Variants in CNTNAP2 observed in about 807,000 individuals in gnomAD.
The protein encoded by CNTNAP2 is contactin associated protein 2.
CNTNAP2 carries 98 observed loss-of-function variants against 155.2 expected under a neutral mutation model. That is an observed-to-expected ratio of 0.63 (90% CI 0.54 to 0.75). The LOEUF (loss-of-function observed/expected upper bound fraction) is 0.75, where lower values mean the gene tolerates loss of function less well. Among genes scored for constraint, CNTNAP2 ranks in the 30% least tolerant of loss-of-function variants. The pLI is 0.00. For missense variants in CNTNAP2, 1,727 were observed against 1,688.1 expected (o/e 1.02, Z -0.40); for synonymous variants, 651 against 631.2 (o/e 1.03, Z -0.47).
intron 10 of CNTNAP2, among the ~76,000 whole-genome samples, chr7:147,416,841 C>T (rs1797201402): frequency 6.6e-6 from 1 of 152,098 alleles, no homozygotes; most frequent in Admixed American, 6.5e-5. Flanking sequence ...GTAATCCTAG[C>T]ACTTTGGGAG....
chr7:147,804,241 T>C (rs564939140), intron 13 of CNTNAP2, among the ~76,000 whole-genome samples: 14 of 152,222 alleles, frequency 9.2e-5, no homozygotes, highest in Admixed American at 6.5e-5. Flanking sequence ...CATAAATTGA[T>C]AATTAATAGG....
chr7:147,156,585 G>A lies in CNTNAP2; in HGVS notation c.1348+24076G>A, dbSNP rs191767435. Among the ~76,000 whole-genome samples, 7 of 152,242 alleles carry A rather than the reference G, an allele frequency of 4.6e-5. No homozygotes were observed. In the East Asian group the frequency reaches 1.4e-3, roughly 29 times the overall value. ...TGTGCCTTAAACCATTCAATGTGCT[G>A]TCATTGATGTCATCTCATCTGAGTC... is the stretch of plus-strand genomic sequence containing the variant. On this transcript the variant is annotated intron_variant, in intron 8 of 23. Coordinates refer to ENST00000361727, the MANE Select transcript of CNTNAP2 (RefSeq NM_014141.6).
At chr7:147,736,196 A>G (rs1796840357) in intron 13 of CNTNAP2, among the ~76,000 whole-genome samples, 1 of 151,514 alleles carries the variant, frequency 6.6e-6, no homozygotes, top group Non-Finnish European at 1.5e-5. Flanking sequence ...TTCCTTCAGG[A>G]GCTCTTTTAG....
At chr7:147,492,105 C>G (rs773013088) in intron 11 of CNTNAP2, among the ~76,000 whole-genome samples, 21 of 152,272 alleles carry the variant, frequency 1.4e-4, no homozygotes, top group African/African-American at 3.1e-4. Context: ...TCATAGGAGA[C>G]AGTTTTTCTA....
At chr7:146,508,830 G>C (rs931616860) in intron 1 of CNTNAP2, among the ~76,000 whole-genome samples, 1 of 152,158 alleles carries the variant, frequency 6.6e-6, no homozygotes, top group Non-Finnish European at 1.5e-5. Context: ...TTGCCTCTCA[G>C]TTTTCTCTCG....
chr7:146,847,265 G>A (rs534598137), intron 3 of CNTNAP2, among the ~76,000 whole-genome samples: 1 of 152,220 alleles, frequency 6.6e-6, no homozygotes, highest in South Asian at 2.1e-4. Context: ...GAAATTTAGG[G>A]CACAGTAAAT....
In CNTNAP2 at chr7:146,131,652, G is replaced by A. The variant is rs569020330; in HGVS notation, c.97+14679G>A. Among the ~76,000 whole-genome samples the A allele has an allele frequency of 4.6e-5, 7 of 152,154 alleles. No homozygotes were observed. In the South Asian group the frequency reaches 6.2e-4, roughly 14 times the overall value. ...ATTTGTAAACTTTCAGCATCTTTGC[G>A]GCTTAACTTTGCAACATACTTCAAA... On this transcript the variant is annotated intron_variant, in intron 1 of 23. Coordinates refer to ENST00000361727, the MANE Select transcript of CNTNAP2 (RefSeq NM_014141.6).
At chr7:147,556,234 G>A (rs781682053) in intron 11 of CNTNAP2, among the ~76,000 whole-genome samples, 20 of 151,112 alleles carry the variant, frequency 1.3e-4, no homozygotes, top group Non-Finnish European at 2.2e-4. Flanking sequence ...CCACAACACT[G>A]GAAGCACATT....
chr7:147,536,795 G>A (rs1005148098), intron 11 of CNTNAP2, among the ~76,000 whole-genome samples: 1 of 152,000 alleles, frequency 6.6e-6, no homozygotes, highest in Non-Finnish European at 1.5e-5. Context: ...TCTTTTTCAA[G>A]ACCCGCAACT....
At chr7:147,838,670 C>T (rs573959651) in intron 13 of CNTNAP2, among the ~76,000 whole-genome samples, 3 of 152,328 alleles carry the variant, frequency 2.0e-5, no homozygotes, top group South Asian at 2.1e-4. Flanking sequence ...CTCATTCCAT[C>T]TGAGACTACC....
intron 1 of CNTNAP2, among the ~76,000 whole-genome samples, chr7:146,210,009 T>C (rs1799008927): frequency 6.6e-6 from 1 of 152,134 alleles, no homozygotes; most frequent in African/African-American, 2.4e-5. Context: ...GAAGGTTCTG[T>C]CTCAAATATA....
intron 1 of CNTNAP2, among the ~76,000 whole-genome samples, chr7:146,256,515 A>G (rs1487169966): frequency 2.6e-5 from 4 of 151,994 alleles, no homozygotes; most frequent in African/African-American, 7.2e-5. Context: ...TATAGTTAAG[A>G]TATTAAAAAT....
chr7:148,232,495 AT>A (rs751606356), intron 20 of CNTNAP2, among the ~76,000 whole-genome samples: 1 of 152,280 alleles, frequency 6.6e-6, no homozygotes, highest in Non-Finnish European at 1.5e-5. Context: ...CTATTTCCCC[AT>A]TTTCTATTAT....
At chr7:146,341,302 C>G (rs1425202633) in intron 1 of CNTNAP2, among the ~76,000 whole-genome samples, 1 of 152,070 alleles carries the variant, frequency 6.6e-6, no homozygotes, top group Non-Finnish European at 1.5e-5. Context: ...TGTGATAGAT[C>G]ATGCAAAAAT....
chr7:147,735,389 G>C (rs1020222615), intron 13 of CNTNAP2, among the ~76,000 whole-genome samples: 1 of 152,200 alleles, frequency 6.6e-6, no homozygotes, highest in African/African-American at 2.4e-5. Flanking sequence ...CTGAGAGACA[G>C]TTTATTATAA....
chr7:147,452,673 A>G (rs777638261), intron 10 of CNTNAP2, among the ~76,000 whole-genome samples: 152 of 152,220 alleles, frequency 1.0e-3, no homozygotes, highest in Non-Finnish European at 1.7e-3. Context: ...TAATTTATGC[A>G]AAGAATTCAC....
chr7:146,690,694 A>G (rs1563190224), intron 1 of CNTNAP2, among the ~76,000 whole-genome samples: 1 of 152,126 alleles, frequency 6.6e-6, no homozygotes, highest in Admixed American at 6.6e-5. Context: ...ACAAGGTAAT[A>G]TTTCCTATGT....
intron 21 of CNTNAP2, among the ~76,000 whole-genome samples, chr7:148,289,601 ACCCCATG>A (rs1328017750): frequency 3.1e-5 from 4 of 129,740 alleles, no homozygotes; most frequent in African/African-American, 1.2e-4. Context: ...ACACACACAC[ACCCCATG>A]TTGGGGAGGC....
At chr7:146,828,404 TAAAG>T (rs993119389) in intron 2 of CNTNAP2, among the ~76,000 whole-genome samples, 2 of 152,050 alleles carry the variant, frequency 1.3e-5, no homozygotes, top group Non-Finnish European at 2.9e-5. Flanking sequence ...ACATTTTAAA[TAAAG>T]AACGCAGTCC....
Sources: gnomAD v4.1 joint callset for allele counts (sites outside exome capture counted in the v4.1 genomes callset) on GRCh38, gnomAD v4.1.1 for gene constraint, MANE v1.5 for transcripts, NCBI Gene and HGNC (gene_info 2026-07-23, HGNC 2026-07-21) for gene names.